Variants in RBFOX1 observed in about 807,000 individuals in gnomAD.
RBFOX1 encodes the protein RNA binding fox-1 homolog 1, also known as RNA binding protein fox-1 homolog 1.
A neutral mutation model predicts 57.7 loss-of-function variants in RBFOX1; 8 were observed. That is an observed-to-expected ratio of 0.14 (90% CI 0.08 to 0.25). RBFOX1 has a LOEUF of 0.25. RBFOX1 is among the 10% of genes least tolerant of loss of function. The pLI, the probability that RBFOX1 is intolerant of heterozygous loss-of-function variation, is 1.00. For missense variants in RBFOX1, 611 were observed against 548.5 expected, an observed-to-expected ratio of 1.11 and a Z score of -1.14; for synonymous variants, 326 against 222.4, an observed-to-expected ratio of 1.47 and a Z score of -4.15.
intron 1 of RBFOX1, among the ~76,000 whole-genome samples, chr16:5,271,984 T>C (rs1283235803): frequency 1.3e-5 from 2 of 152,262 alleles, no homozygotes; most frequent in Non-Finnish European, 2.9e-5. Flanking sequence ...TACATTTTCT[T>C]TATCCTTTCA....
intron 3 of RBFOX1, among the ~76,000 whole-genome samples, chr16:5,649,707 C>A (rs899171498): frequency 6.6e-6 from 1 of 152,202 alleles, no homozygotes; most frequent in Admixed American, 6.5e-5. Flanking sequence ...CAAAGTACTG[C>A]ATGAATTTAC....
At chr16:6,637,317 T>TA (rs1555636297) in intron 2 of RBFOX1, among the ~76,000 whole-genome samples, 1 of 11,760 alleles carries the variant, frequency 8.5e-5, no homozygotes, top group Non-Finnish European at 1.8e-4. Flanking sequence ...ATATTATATA[T>TA]TATATATATT....
At chr16:5,384,796 T>C (rs483619) in intron 1 of RBFOX1, among the ~76,000 whole-genome samples, 81,319 of 151,782 alleles carry the variant, frequency 0.54, 22,145 homozygotes, top group African/African-American at 0.56. Flanking sequence ...GCGTGACTTT[T>C]GGCAGGATGC....
At chr16:6,906,594 T>G (rs571768373) in intron 3 of RBFOX1, among the ~76,000 whole-genome samples, 1 of 152,202 alleles carries the variant, frequency 6.6e-6, no homozygotes, top group South Asian at 2.1e-4. Context: ...CAGTAGTGTT[T>G]CCAGTAAATC....
At chr16:7,325,859 C>T (rs572010668) in intron 4 of RBFOX1, among the ~76,000 whole-genome samples, 1 of 152,270 alleles carries the variant, frequency 6.6e-6, no homozygotes, top group African/African-American at 2.4e-5. Flanking sequence ...GGGAATTTTT[C>T]TTGCGGTCCA....
intron 4 of RBFOX1, among the ~76,000 whole-genome samples, chr16:7,110,615 T>G (rs1474499235): frequency 6.6e-6 from 1 of 152,144 alleles, no homozygotes; most frequent in Admixed American, 6.5e-5. Context: ...GTTGCTCTGG[T>G]GACATTTGGC....
At chr16:7,386,116 A>G (rs1375975769) in intron 4 of RBFOX1, among the ~76,000 whole-genome samples, 1 of 151,930 alleles carries the variant, frequency 6.6e-6, no homozygotes, top group Non-Finnish European at 1.5e-5. Flanking sequence ...CACACGCTAA[A>G]CAAGGCATGG....
At chr16:6,442,482 G>C (rs142162719) in intron 2 of RBFOX1, among the ~76,000 whole-genome samples, 2,917 of 152,064 alleles carry the variant, frequency 0.019, 89 homozygotes, top group African/African-American at 0.066. Flanking sequence ...GCTTGAGCCT[G>C]GGAAGCGGAG....
intron 1 of RBFOX1, among the ~76,000 whole-genome samples, chr16:6,134,733 A>G (rs1020041198): frequency 1.3e-4 from 19 of 150,110 alleles, no homozygotes; most frequent in Non-Finnish European, 2.1e-4. Context: ...GCTGGAGTGC[A>G]GTGGTGTGAT....
At chr16:7,231,264 G>C (rs554245280) in intron 4 of RBFOX1, among the ~76,000 whole-genome samples, 2 of 152,198 alleles carry the variant, frequency 1.3e-5, no homozygotes, top group Admixed American at 6.5e-5. Flanking sequence ...AATAAGGGAG[G>C]GCTTGGCTGG....
chr16:6,861,374 A>C (rs560390236), intron 3 of RBFOX1, among the ~76,000 whole-genome samples: 1 of 152,150 alleles, frequency 6.6e-6, no homozygotes, highest in African/African-American at 2.4e-5. Flanking sequence ...CTCAATCTAC[A>C]AGACAAAAGA....
intron 3 of RBFOX1, among the ~76,000 whole-genome samples, chr16:6,897,113 C>T (rs2067130801): frequency 1.3e-5 from 2 of 152,146 alleles, no homozygotes; most frequent in African/African-American, 2.4e-5. Context: ...TTATATTTGG[C>T]ACATAAGAAA....
At chr16:5,767,704 A>G (rs2053836908) in intron 3 of RBFOX1, among the ~76,000 whole-genome samples, 3 of 152,164 alleles carry the variant, frequency 2.0e-5, no homozygotes, top group East Asian at 1.9e-4. Context: ...AAAGGCATAA[A>G]TGAAGCTTTG....
chr16:6,392,812 A>G (rs1261196369), intron 2 of RBFOX1, among the ~76,000 whole-genome samples: 1 of 152,248 alleles, frequency 6.6e-6, no homozygotes, highest in Non-Finnish European at 1.5e-5. Context: ...TTGGATAATA[A>G]ATTAACCATT....
chr16:5,561,055 T>G (rs1216496723), intron 2 of RBFOX1, among the ~76,000 whole-genome samples: 3 of 152,184 alleles, frequency 2.0e-5, no homozygotes, highest in African/African-American at 2.4e-5. Context: ...AACTTTGGGT[T>G]TTATCAATTC....
chr16:7,526,371 G>T (rs1468088859), intron 5 of RBFOX1, among the ~76,000 whole-genome samples: 1 of 152,124 alleles, frequency 6.6e-6, no homozygotes, highest in South Asian at 2.1e-4. Context: ...GTCAGTTAAG[G>T]CCTGGCCTCT....
At chr16:5,382,680 C>T (rs1332483580) in intron 1 of RBFOX1, among the ~76,000 whole-genome samples, 2 of 152,114 alleles carry the variant, frequency 1.3e-5, no homozygotes, top group African/African-American at 4.8e-5. Context: ...ATTGTGCTGA[C>T]CTCATTTAAT....
chr16:7,005,382 A>G (rs1172727799), intron 3 of RBFOX1, among the ~76,000 whole-genome samples: 3 of 152,164 alleles, frequency 2.0e-5, no homozygotes. Flanking sequence ...GAGGGATGGC[A>G]AGGAAACATC....
intron 1 of RBFOX1, among the ~76,000 whole-genome samples, chr16:5,287,173 C>G (rs1478202299): frequency 6.6e-6 from 1 of 152,046 alleles, no homozygotes; most frequent in African/African-American, 2.4e-5. Flanking sequence ...AGCATGGTGG[C>G]TCATGTCTGT....
Sources: allele counts gnomAD v4.1 joint callset (sites outside exome capture counted in the v4.1 genomes callset), GRCh38; gene constraint gnomAD v4.1.1; transcripts MANE v1.5; gene names NCBI Gene and HGNC (gene_info 2026-07-23, HGNC 2026-07-21).